The following CTNNA3 variants were observed in gnomAD, a reference collection of about 807,000 sequenced individuals.
CTNNA3 encodes catenin alpha 3.
Under a neutral mutation model 95.7 loss-of-function variants are expected in CTNNA3, and 76 were observed. The ratio of observed to expected loss-of-function variants is 0.79; its 90% CI spans 0.66 to 0.96. The LOEUF (loss-of-function observed/expected upper bound fraction) is 0.96. Ranked by LOEUF, CTNNA3 falls within the 40% of genes least tolerant of loss-of-function variation. The pLI, the probability that CTNNA3 is intolerant of heterozygous loss-of-function variation, is 0.00. For synonymous variants in CTNNA3, 431 were observed against 374.4 expected, an observed-to-expected ratio of 1.15 and a Z score of -1.74; for missense variants, 1,191 against 1,089.8, an observed-to-expected ratio of 1.09 and a Z score of -1.31.
chr10:67,295,742 T>C (rs1284326512), intron 5 of CTNNA3, among the ~76,000 whole-genome samples: 2 of 152,198 alleles, frequency 1.3e-5, no homozygotes, highest in African/African-American at 4.8e-5. Context: ...AATGTGGGTT[T>C]TAATTAGCTG....
Position 66,846,042 on chromosome 10 carries a change from G to T in CTNNA3, c.1048-70518C>A, listed in dbSNP as rs149390502. Reference sequence around the variant, plus strand: ...AGCTACTCGGGAGGTCAAGGCAAGAGAATCGCTTGAACCCGGGAGGCGGAG... The same window carrying T: ...AGCTACTCGGGAGGTCAAGGCAAGATAATCGCTTGAACCCGGGAGGCGGAG... On this transcript the variant is annotated intron_variant, in intron 7 of 17. Transcript: ENST00000433211. Among the ~76,000 whole-genome samples, 75 of 152,100 alleles carry T rather than the reference G, an allele frequency of 4.9e-4. No individual in the cohort carries two copies. In the East Asian group the frequency reaches 0.012, roughly 24 times the overall value.
intron 5 of CTNNA3, among the ~76,000 whole-genome samples, chr10:67,308,004 C>T (rs996121312): frequency 6.6e-6 from 1 of 152,184 alleles, no homozygotes; most frequent in Non-Finnish European, 1.5e-5. Flanking sequence ...ATTATCTGGT[C>T]CCCATTCTCA....
chr10:67,329,996 C>G (rs1841716275), intron 5 of CTNNA3, among the ~76,000 whole-genome samples: 1 of 152,174 alleles, frequency 6.6e-6, no homozygotes, highest in African/African-American at 2.4e-5. Context: ...ATCCACATTC[C>G]AGGCAGCAGG....
rs2090850786 is a variant in CTNNA3 at position 66,257,857 on chromosome 10, T to C, written c.1884+22613A>G. On this transcript the variant is annotated intron_variant, in intron 13 of 17. Coordinates refer to ENST00000433211, the MANE Select transcript of CTNNA3 (RefSeq NM_013266.4). ...AAGCTGTTATTCTGATTCATCCTATTGTCCCAAACACTTATACCCTTTTTG... is the reference window on the plus strand; with the variant it reads ...AAGCTGTTATTCTGATTCATCCTATCGTCCCAAACACTTATACCCTTTTTG... Among the ~76,000 whole-genome samples the C allele has an allele frequency of 1.1e-4, 16 of 152,326 alleles. 1 individual carries two copies. The South Asian group carries it at 3.3e-3, about 32-fold the overall frequency.
At chr10:66,011,015 G>A (rs2133391769) in intron 15 of CTNNA3, among the ~76,000 whole-genome samples, 1 of 152,290 alleles carries the variant, frequency 6.6e-6, no homozygotes, top group Admixed American at 6.5e-5. Context: ...GGCATTTGTA[G>A]TCACCCATTT....
At chr10:66,374,433 A>G (rs7912974) in intron 12 of CTNNA3, among the ~76,000 whole-genome samples, 360 of 152,242 alleles carry the variant, frequency 2.4e-3, no homozygotes, top group African/African-American at 8.2e-3. Flanking sequence ...CTGCAGGGAT[A>G]GAATTAGCAA....
chr10:66,444,280 T>C (rs1050957715), intron 11 of CTNNA3, among the ~76,000 whole-genome samples: 13 of 152,096 alleles, frequency 8.5e-5, no homozygotes, highest in African/African-American at 2.9e-4. Flanking sequence ...ACTTCCCCAG[T>C]CTAGCAAGGC....
intron 11 of CTNNA3, among the ~76,000 whole-genome samples, chr10:66,379,589 C>T (rs971800515): frequency 6.6e-6 from 1 of 151,978 alleles, no homozygotes; most frequent in African/African-American, 2.4e-5. Context: ...GTATTGACTG[C>T]ATATTATTTT....
chr10:66,053,169 A>G (rs72793425), intron 15 of CTNNA3, among the ~76,000 whole-genome samples: 9,208 of 152,036 alleles, frequency 0.061, 389 homozygotes, highest in Admixed American at 0.1. Flanking sequence ...TAGAATACAC[A>G]TTATCAGAGA....
At chr10:66,429,196 T>C (rs1489205506) in intron 11 of CTNNA3, among the ~76,000 whole-genome samples, 1 of 152,110 alleles carries the variant, frequency 6.6e-6, no homozygotes, top group Non-Finnish European at 1.5e-5. Flanking sequence ...CTCCCAAGAC[T>C]AAACCAGGAA....
At chr10:67,043,823 T>C (rs886347363) in intron 7 of CTNNA3, among the ~76,000 whole-genome samples, 3 of 152,144 alleles carry the variant, frequency 2.0e-5, no homozygotes, top group African/African-American at 7.2e-5. Context: ...ATAATTATGA[T>C]ACAGTGAGGA....
At chr10:66,842,862 C>T (rs1843114114) in intron 7 of CTNNA3, among the ~76,000 whole-genome samples, 1 of 152,050 alleles carries the variant, frequency 6.6e-6, no homozygotes, top group African/African-American at 2.4e-5. Context: ...ATTATGGCTC[C>T]CTGAGCACTG....
chr10:66,672,010 C>T (rs1846678157), intron 9 of CTNNA3, among the ~76,000 whole-genome samples: 1 of 152,120 alleles, frequency 6.6e-6, no homozygotes, highest in Admixed American at 6.6e-5. Context: ...GAGACCTCAA[C>T]TCTTCAAACC....
At chr10:67,405,417 T>C (rs1255252455) in intron 5 of CTNNA3, among the ~76,000 whole-genome samples, 1 of 151,958 alleles carries the variant, frequency 6.6e-6, no homozygotes, top group African/African-American at 2.4e-5. Flanking sequence ...AAAAAAAGAC[T>C]TTAAACCAAA....
At chr10:66,614,603 T>G (rs2132295386) in intron 10 of CTNNA3, among the ~76,000 whole-genome samples, 1 of 152,156 alleles carries the variant, frequency 6.6e-6, no homozygotes, top group South Asian at 2.1e-4. Context: ...TTACAGATTT[T>G]CAGTAACAAC....
chr10:66,015,105 A>AAATAATAATAAT lies in CTNNA3; in HGVS notation c.2160-26320_2160-26309dup, dbSNP rs374364944. Among the ~76,000 whole-genome samples, 1,120 of 150,144 alleles carry AAATAATAATAAT rather than the reference A, an allele frequency of 7.5e-3. 9 individuals carry two copies. Among genetic ancestry groups the AAATAATAATAAT allele is most frequent in the African/African-American group, 0.017 (706 of 40,950 alleles). On this transcript the variant is annotated intron_variant, in intron 15 of 17. Transcript: ENST00000433211. Reference sequence around the variant, plus strand: ...TGACAGAGCGAGACTCTGTCTCAAAAAATAATAATAATAATAATAAAATAA... The same window carrying AAATAATAATAAT: ...TGACAGAGCGAGACTCTGTCTCAAAAAATAATAATAATAATAATAATAATAATAATAAAATAA...
intron 13 of CTNNA3, among the ~76,000 whole-genome samples, chr10:66,150,347 T>C (rs746668695): frequency 6.6e-6 from 1 of 152,186 alleles, no homozygotes; most frequent in Admixed American, 6.6e-5. Context: ...CATGTGGAAC[T>C]GTAAGTCCCT....
intron 7 of CTNNA3, among the ~76,000 whole-genome samples, chr10:67,033,722 C>T (rs532417317): frequency 1.3e-5 from 2 of 152,224 alleles, no homozygotes; most frequent in South Asian, 2.1e-4. Flanking sequence ...AGATTCAAAC[C>T]CAAGTAGCCC....
rs145388489 is a variant in CTNNA3, at chr10:67,674,039, A to G, written c.-6+21961T>C. On this transcript the variant is annotated intron_variant, in intron 1 of 17. Coordinates refer to ENST00000433211, the MANE Select transcript of CTNNA3 (RefSeq NM_013266.4). The stretch of plus-strand genomic sequence containing the variant: ...CTCATACATGTCTCTTTGTGTGCCT[A>G]TGCAAGAGTCCCTCTGGTGTATACA... 2.0e-3 allele frequency among the ~76,000 whole-genome samples: 301 copies of G among 151,956 alleles called. 4 individuals are homozygous for G. The highest frequency in any genetic ancestry group is 0.016 in the Admixed American group (247 of 15,264).
Sources: gnomAD v4.1 joint callset for allele counts (sites outside exome capture counted in the v4.1 genomes callset) on GRCh38, gnomAD v4.1.1 for gene constraint, MANE v1.5 for transcripts, NCBI Gene and HGNC (gene_info 2026-07-23, HGNC 2026-07-21) for gene names.